The following ARMC2 variants were observed in gnomAD, a reference collection of about 807,000 sequenced individuals.
ARMC2 encodes armadillo repeat-containing protein 2.
A neutral mutation model predicts 90.3 loss-of-function variants in ARMC2; 67 were observed. The ratio of observed to expected loss-of-function variants is 0.74; its 90% CI spans 0.61 to 0.91. The LOEUF (loss-of-function observed/expected upper bound fraction) is 0.91. Ranked by LOEUF, ARMC2 falls within the 40% of genes least tolerant of loss-of-function variation. The pLI is 0.00. For missense variants in ARMC2, 920 were observed against 1,030.9 expected, an observed-to-expected ratio of 0.89 and a Z score of 1.47; for synonymous variants, 393 against 393.0, an observed-to-expected ratio of 1.00 and a Z score of 0.00.
chr6:109,001,493 A>G, the ARMC2 span: 7 of 1,609,840 alleles, frequency 4.3e-6, no homozygotes, highest in Non-Finnish European at 5.9e-6. Context: ...GAGGATCTGT[A>G]TAAATGAGAA....
chr6:108,852,659 C>T (rs903377315), intron 1 of ARMC2, among the ~76,000 whole-genome samples: 1 of 152,170 alleles, frequency 6.6e-6, no homozygotes. Flanking sequence ...ACAGAACTTT[C>T]TCTAATCTTT....
At position 108,928,096 on chromosome 6, in the gene ARMC2, T is replaced by A; in HGVS notation, c.1359T>A (p.Ala453=). ...NSGHLLVQVT[A]TLRNLVDSSL... The stretch of plus-strand genomic sequence containing the variant: ...GCATGCTTTTATCCTAGGTGACTGC[T>A]ACATTGAGAAACTTGGTTGATTCAT... The change falls in exon 11 of 18, where the codon GCT becomes GCA. Residue 453 remains alanine (A), a synonymous_variant. Coordinates refer to ENST00000392644, the MANE Select transcript of ARMC2 (RefSeq NM_032131.6). 1 of 1,603,618 alleles carries A rather than the reference T, an allele frequency of 6.2e-7. No homozygotes were observed. The highest frequency in any genetic ancestry group is 8.5e-7 in the Non-Finnish European group (1 of 1,176,972).
At chr6:108,881,339 A>G (rs1302893271) in intron 5 of ARMC2, among the ~76,000 whole-genome samples, 1 of 32,430 alleles carries the variant, frequency 3.1e-5, no homozygotes, top group Non-Finnish European at 6.2e-5. Flanking sequence ...CCTTCCTTCC[A>G]ACAGGGACGG....
At chr6:108,860,999 T>G (rs1273827402) in intron 3 of ARMC2, among the ~76,000 whole-genome samples, 2 of 152,168 alleles carry the variant, frequency 1.3e-5, no homozygotes, top group Non-Finnish European at 2.9e-5. Flanking sequence ...ACAGTAATAG[T>G]ACCCTTACTT....
the ARMC2 span, among the ~76,000 whole-genome samples, chr6:108,997,736 G>A: frequency 6.6e-6 from 1 of 152,138 alleles, no homozygotes; most frequent in African/African-American, 2.4e-5. Context: ...ATATAACTCA[G>A]AAAATGCATG....
intron 11 of ARMC2, 84 bp from the exon 12 acceptor site, chr6:108,936,816 C>T: frequency 9.2e-7 from 1 of 1,089,596 alleles, no homozygotes; most frequent in Non-Finnish European, 1.3e-6. Context: ...TTTTGAAGGT[C>T]TGCATTTAAA....
chr6:109,045,760 C>A, the ARMC2 span, among the ~76,000 whole-genome samples: 1 of 152,118 alleles, frequency 6.6e-6, no homozygotes, highest in African/African-American at 2.4e-5. Context: ...TAGTATATAC[C>A]ATAACTGCCT....
chr6:108,945,398 C>T (rs1776732949), intron 12 of ARMC2, among the ~76,000 whole-genome samples: 1 of 152,306 alleles, frequency 6.6e-6, no homozygotes, highest in Admixed American at 6.5e-5. Context: ...AAAAGACTGG[C>T]AATATTTTGC....
At chr6:109,019,190 TAC>T in the ARMC2 span, among the ~76,000 whole-genome samples, 57 of 151,996 alleles carry the variant, frequency 3.8e-4, no homozygotes, top group African/African-American at 1.4e-3. Context: ...AAACATTTTT[TAC>T]ACACACACAC....
chr6:108,959,729 G>A (rs114481082), intron 13 of ARMC2, among the ~76,000 whole-genome samples: 18,047 of 151,458 alleles, frequency 0.12, 1,134 homozygotes, highest in Middle Eastern at 0.22. Context: ...TCTGTCACCC[G>A]GACTGGAGTG....
the ARMC2 span, chr6:109,009,401 C>A: frequency 6.8e-7 from 1 of 1,461,382 alleles, no homozygotes; most frequent in Non-Finnish European, 9.0e-7. Context: ...TGCAGCCCAG[C>A]AGCCCCGAGA....
the ARMC2 span, chr6:108,986,632 G>A: frequency 6.6e-6 from 1 of 152,466 alleles, no homozygotes; most frequent in African/African-American, 2.4e-5. Flanking sequence ...ATTATTTAAG[G>A]AGCTGCACAG....
At chr6:108,869,278 C>T (rs1776142713) in intron 4 of ARMC2, among the ~76,000 whole-genome samples, 1 of 152,196 alleles carries the variant, frequency 6.6e-6, no homozygotes, top group Non-Finnish European at 1.5e-5. Context: ...GAGGCCAAAG[C>T]GGCCAGATCA....
At chr6:109,009,555 CG>C in the ARMC2 span, 1,119,552 of 1,119,642 alleles carry the variant, frequency 1, 559,731 homozygotes, top group Middle Eastern at 1. Context: ...GCACGGACGG[CG>C]GGGGGGCGGG....
At chr6:108,984,363 G>A in the ARMC2 span, among the ~76,000 whole-genome samples, 2 of 152,146 alleles carry the variant, frequency 1.3e-5, no homozygotes, top group Non-Finnish European at 1.5e-5. Flanking sequence ...TGGGAAGTCC[G>A]ATATCAAGGA....
intron 13 of ARMC2, among the ~76,000 whole-genome samples, chr6:108,958,521 G>A (rs1359904966): frequency 2.0e-5 from 3 of 152,158 alleles, no homozygotes; most frequent in African/African-American, 7.2e-5. Flanking sequence ...GGTCCTTCGG[G>A]AGGTCAGACA....
chr6:109,041,325 A>T, the ARMC2 span, among the ~76,000 whole-genome samples: 664 of 152,126 alleles, frequency 4.4e-3, 3 homozygotes, highest in South Asian at 0.013. Flanking sequence ...ATAATAATTT[A>T]AAAAAATAAA....
At chr6:109,000,371 A>C in the ARMC2 span, 13 of 660,112 alleles carry the variant, frequency 2.0e-5, no homozygotes, top group East Asian at 2.9e-5. Context: ...ATCTGTGGGA[A>C]GAGATTCAGG....
At chr6:108,854,722 G>A (rs561078516) in intron 2 of ARMC2, among the ~76,000 whole-genome samples, 203 of 152,228 alleles carry the variant, frequency 1.3e-3, no homozygotes, top group African/African-American at 4.7e-3. Flanking sequence ...TACCATCGAC[G>A]AACATACTTT....
Sources: gnomAD v4.1 joint callset for allele counts (sites outside exome capture counted in the v4.1 genomes callset) on GRCh38, gnomAD v4.1.1 for gene constraint, MANE v1.5 for transcripts, NCBI Gene and HGNC (gene_info 2026-07-23, HGNC 2026-07-21) for gene names.